The following ACTN4 variants were observed in gnomAD, a reference collection of about 807,000 sequenced individuals.
ACTN4 encodes actinin alpha 4.
Under a neutral mutation model 114.2 loss-of-function variants are expected in ACTN4, and 18 were observed. That is an observed-to-expected ratio of 0.16 (90% CI 0.11 to 0.23). The LOEUF (loss-of-function observed/expected upper bound fraction) is 0.23. ACTN4 is among the 10% of genes least tolerant of loss of function. ACTN4 has a pLI of 1.00. For synonymous variants in ACTN4, 515 were observed against 506.3 expected, an observed-to-expected ratio of 1.02 and a Z score of -0.23; for missense variants, 722 against 1,262.9, an observed-to-expected ratio of 0.57 and a Z score of 6.49.
At chr19:38,682,805 C>A (rs1967619860) in intron 1 of ACTN4, among the ~76,000 whole-genome samples, 1 of 152,224 alleles carries the variant, frequency 6.6e-6, no homozygotes, top group South Asian at 2.1e-4. Flanking sequence ...TCCCACCTAG[C>A]ACCTTCCCTG....
At chr19:38,680,693 T>A (rs1220084486) in intron 1 of ACTN4, among the ~76,000 whole-genome samples, 1 of 151,978 alleles carries the variant, frequency 6.6e-6, no homozygotes, top group Non-Finnish European at 1.5e-5. Context: ...AACCTTGGAG[T>A]CAGCTTTTGA....
In ACTN4 at chr19:38,685,491, G is replaced by T. The variant is rs551085195; in HGVS notation, c.163-15109G>T. 3.9e-5 allele frequency among the ~76,000 whole-genome samples: 6 copies of T among 152,294 alleles called. No homozygotes were observed. In the East Asian group the frequency reaches 1.2e-3, roughly 29 times the overall value. On this transcript the variant is annotated intron_variant, in intron 1 of 20. Coordinates refer to ENST00000252699, the MANE Select transcript of ACTN4 (RefSeq NM_004924.6). ...TGCAGGCCTGGAGAGGAGCCCTGTGGCCTCAGCAAAGGGCAGGCAGGCTGG... is the reference window on the plus strand; with the variant it reads ...TGCAGGCCTGGAGAGGAGCCCTGTGTCCTCAGCAAAGGGCAGGCAGGCTGG...
Position 38,647,678 on chromosome 19 carries a change from G to T in ACTN4, c.-68G>T. The T allele has an allele frequency of 4.0e-6, 6 of 1,489,158 alleles. No homozygotes were observed. Among genetic ancestry groups the T allele is most frequent in the South Asian group, 2.6e-5 (2 of 78,108 alleles). The allele number at this position is 1,489,158 out of a possible 1,614,324, so 92.2% of individuals were successfully genotyped here. A position where few individuals can be genotyped will look rare whatever the true frequency, so the allele number is the denominator to read the frequency against. ...CAGCTGAAGCGGCGGTAGCGGCGGC[G>T]GCTCGGGCAGAGGGGCGGGAGCTGA... On this transcript the variant is annotated 5_prime_UTR_variant, in exon 1 of 21. Transcript: ENST00000252699.
In ACTN4 at chr19:38,729,785, T is replaced by C. The variant is rs1969417831; in HGVS notation, c.*353T>C. 1 of 472,446 alleles carries C rather than the reference T, an allele frequency of 2.1e-6. No homozygotes were observed. Among genetic ancestry groups the C allele is most frequent in the Non-Finnish European group, 4.1e-6 (1 of 242,836 alleles). 29.3% of individuals were successfully genotyped at this position (472,446 alleles called of 1,614,324 possible). On this transcript the variant is annotated 3_prime_UTR_variant, in exon 21 of 21. Coordinates refer to ENST00000252699, the MANE Select transcript of ACTN4 (RefSeq NM_004924.6). Reference sequence around the variant, plus strand: ...CACACCCAGGTCTCTTCCTTTGCTCTGAGGTCCCTTCAAGGCCTCCCCAAT... The same window carrying C: ...CACACCCAGGTCTCTTCCTTTGCTCCGAGGTCCCTTCAAGGCCTCCCCAAT...
Position 38,672,263 on chromosome 19 carries a change from C to T in ACTN4, c.162+24356C>T, listed in dbSNP as rs375141676. 3.1e-3 allele frequency among the ~76,000 whole-genome samples: 331 copies of T among 106,316 alleles called. 2 individuals are homozygous for T. The highest frequency in any genetic ancestry group is 0.011 in the African/African-American group (322 of 28,910). The allele number at this position is 106,316 out of a possible 152,430, so 69.7% of individuals were successfully genotyped here. On this transcript the variant is annotated intron_variant, in intron 1 of 20. Coordinates refer to ENST00000252699, the MANE Select transcript of ACTN4 (RefSeq NM_004924.6). ...CTTTTTTTTTTTTTTTTTTTTGAGA[C>T]GGAGTCTTTCTCTGTCGCCTAGGCT... is the stretch of plus-strand genomic sequence containing the variant.
At chr19:38,714,344 G>C in intron 8 of ACTN4, 125 bp from the exon 9 acceptor site, 2 of 852,822 alleles carry the variant, frequency 2.3e-6, no homozygotes, top group Non-Finnish European at 3.9e-6. Context: ...CTGGAGCTGT[G>C]CTTCCTCTCC....
At chr19:38,662,194 C>T (rs1976908209) in intron 1 of ACTN4, among the ~76,000 whole-genome samples, 1 of 152,154 alleles carries the variant, frequency 6.6e-6, no homozygotes, top group African/African-American at 2.4e-5. Context: ...CACAACTCCC[C>T]ATTTGAAGGC....
rs1316738834 is a variant in ACTN4 at position 38,724,308 on chromosome 19, C to G, written c.1844C>G (p.Thr615Ser). Residue 615 changes from threonine (T) to serine (S), a missense_variant, in exon 15 of 21, where the codon ACC becomes AGC. Thr to Ser is a moderately conservative substitution (Grantham distance 58). Coordinates refer to ENST00000252699, the MANE Select transcript of ACTN4 (RefSeq NM_004924.6). This position sits in a 1 kb window ranked among gnomAD's most constrained non-coding sequence, Gnocchi z 7.0. ...GGCAGCAACCCCTACACCACCGTCACCCCGCAAATCATCAACTCCAAGTGG... is the reference window on the plus strand; with the variant it reads ...GGCAGCAACCCCTACACCACCGTCAGCCCGCAAATCATCAACTCCAAGTGG... ...LSGSNPYTTV[T>S]PQIINSKWEK... 1 of 1,613,850 alleles carries G rather than the reference C, an allele frequency of 6.2e-7. No homozygotes were observed. Among genetic ancestry groups the G allele is most frequent in the African/African-American group, 1.3e-5 (1 of 75,060 alleles).
intron 1 of ACTN4, among the ~76,000 whole-genome samples, chr19:38,657,983 A>G (rs762288893): frequency 3.9e-5 from 6 of 152,208 alleles, no homozygotes; most frequent in African/African-American, 1.2e-4. Context: ...ATGGAAACCA[A>G]GTTGCTTACT....
chr19:38,699,755 A>C (rs1340909355), intron 1 of ACTN4, among the ~76,000 whole-genome samples: 1 of 127,946 alleles, frequency 7.8e-6, no homozygotes, highest in Non-Finnish European at 1.6e-5. Flanking sequence ...ACTCCTTCTC[A>C]AAAAAAAAAA....
Position 38,717,428 on chromosome 19 carries a change from G to T in ACTN4, c.1143+112G>T. ...TTCCTAAGTTGTTGATGTCCTGTGG[G>T]ACATGGCATGGCCTTTCGGATGCAG... On this transcript the variant is annotated intron_variant, in intron 10 of 20. Transcript: ENST00000252699. The surrounding 1 kb of genome is among the most constrained non-coding windows in gnomAD (Gnocchi z 4.0). 2 of 1,404,076 alleles carry T rather than the reference G, an allele frequency of 1.4e-6. No individual in the cohort carries two copies. Among genetic ancestry groups the T allele is most frequent in the Non-Finnish European group, 9.7e-7 (1 of 1,026,104 alleles). 87.0% of individuals were successfully genotyped at this position (1,404,076 alleles called of 1,614,324 possible).
chr19:38,721,981 C>T, intron 12 of ACTN4: 1 of 480,796 alleles, frequency 2.1e-6, no homozygotes, highest in South Asian at 2.0e-5. Flanking sequence ...GGGGTGTCAC[C>T]TCTCCTGGCC....
In ACTN4 at chr19:38,730,256, A is replaced by C. The variant is rs139090612; in HGVS notation, c.*824A>C. On this transcript the variant is annotated 3_prime_UTR_variant, in exon 21 of 21. Transcript: ENST00000252699. ...TATAAATATATATTCACCTAGCAAC[A>C]TATCTCTGCCGTCTCTCCTGCTCTC... The C allele has an allele frequency of 6.3e-6, 1 of 158,182 alleles. No individual in the cohort carries two copies. Among genetic ancestry groups the C allele is most frequent in the African/African-American group, 2.4e-5 (1 of 41,406 alleles). The allele number at this position is 158,182 out of a possible 1,614,324, so 9.8% of individuals were successfully genotyped here.
intron 1 of ACTN4, among the ~76,000 whole-genome samples, chr19:38,664,295 T>A (rs563835104): frequency 4.6e-5 from 7 of 152,156 alleles, no homozygotes; most frequent in Admixed American, 3.3e-4. Flanking sequence ...TTTTTTTTTT[T>A]AAACTCATTC....
At position 38,731,350 on chromosome 19, in the gene ACTN4, C is replaced by T. The variant is rs1465541517; in HGVS notation, c.*1918C>T. On this transcript the variant is annotated 3_prime_UTR_variant, in exon 21 of 21. Transcript: ENST00000252699. Reference sequence around the variant, plus strand: ...GTCACACCCCAACTCTGCCCCATCCCGGCAGGGTGAGTACAGGCTGATCCC... The same window carrying T: ...GTCACACCCCAACTCTGCCCCATCCTGGCAGGGTGAGTACAGGCTGATCCC... 26 of 715,962 alleles carry T rather than the reference C, an allele frequency of 3.6e-5. No homozygotes were observed. The highest frequency in any genetic ancestry group is 7.9e-5 in the South Asian group (5 of 63,178). The allele number at this position is 715,962 out of a possible 1,614,324, so 44.4% of individuals were successfully genotyped here. A position where few individuals can be genotyped will look rare whatever the true frequency, so the allele number is the denominator to read the frequency against.
chr19:38,678,685 T>TGGCTTG (rs958985432), intron 1 of ACTN4, among the ~76,000 whole-genome samples: 1 of 152,214 alleles, frequency 6.6e-6, no homozygotes, highest in African/African-American at 2.4e-5. Flanking sequence ...CTCTGCTGTC[T>TGGCTTG]GGCTTGGGCT....
At chr19:38,665,340 T>G (rs1966923662) in intron 1 of ACTN4, among the ~76,000 whole-genome samples, 1 of 152,146 alleles carries the variant, frequency 6.6e-6, no homozygotes, top group Admixed American at 6.5e-5. Context: ...AAAAGGGGCA[T>G]CATCCTATCC....
chr19:38,728,581 C>G (rs573850569), intron 19 of ACTN4, among the ~76,000 whole-genome samples: 1 of 152,186 alleles, frequency 6.6e-6, no homozygotes, highest in East Asian at 1.9e-4. Context: ...CGATGACTTC[C>G]CGAGCCCCCC....
chr19:38,651,687 A>G (rs1459347055), intron 1 of ACTN4, among the ~76,000 whole-genome samples: 1 of 151,836 alleles, frequency 6.6e-6, no homozygotes, highest in Admixed American at 6.6e-5. Flanking sequence ...GGTATGAGTT[A>G]ACTATTTGAA....
Sources: allele counts gnomAD v4.1 joint callset (sites outside exome capture counted in the v4.1 genomes callset), GRCh38; gene constraint gnomAD v4.1.1; non-coding constraint Gnocchi (gnomAD v3.1); transcripts MANE v1.5; gene names NCBI Gene and HGNC (gene_info 2026-07-23, HGNC 2026-07-21).